ZFPM2: variants seen among roughly 807,000 people sequenced by gnomAD.
ZFPM2 encodes the protein zinc finger protein, FOG family member 2, also known as zinc finger protein ZFPM2.
In ZFPM2, 20 loss-of-function variants were observed where a neutral mutation model predicts 98.6. The ratio of observed to expected loss-of-function variants is 0.20; its 90% CI spans 0.14 to 0.29. ZFPM2 has a LOEUF of 0.29. Among genes scored for constraint, ZFPM2 ranks in the 10% least tolerant of loss-of-function variants. The pLI is 1.00. For missense variants in ZFPM2, 1,310 were observed against 1,388.6 expected (o/e 0.94, Z 0.90); for synonymous variants, 518 against 502.7 (o/e 1.03, Z -0.41).
intron 3 of ZFPM2, among the ~76,000 whole-genome samples, chr8:105,531,112 A>C (rs1247723713): frequency 6.6e-6 from 1 of 152,116 alleles, no homozygotes; most frequent in Non-Finnish European, 1.5e-5. Flanking sequence ...TTCCAATGAT[A>C]TGGGTTACCA....
intron 1 of ZFPM2, among the ~76,000 whole-genome samples, chr8:105,319,238 G>T (rs1320677013): frequency 6.6e-6 from 1 of 152,198 alleles, no homozygotes; most frequent in Non-Finnish European, 1.5e-5. Flanking sequence ...GCGCTCCCGG[G>T]CTGCTTTTTT....
At chr8:105,429,701 C>CAA (rs376633755) in intron 2 of ZFPM2, among the ~76,000 whole-genome samples, 36,952 of 128,088 alleles carry the variant, frequency 0.29, 5,255 homozygotes, top group African/African-American at 0.39. Context: ...AAAGTGATAC[C>CAA]AAAAAAAAAA....
At chr8:105,515,311 C>T (rs1035303133) in intron 3 of ZFPM2, among the ~76,000 whole-genome samples, 1 of 152,218 alleles carries the variant, frequency 6.6e-6, no homozygotes, top group Admixed American at 6.5e-5. Context: ...TCCATCCTCT[C>T]TTCAAGAGGA....
intron 1 of ZFPM2, among the ~76,000 whole-genome samples, chr8:105,360,751 A>C (rs1812842431): frequency 6.9e-6 from 1 of 144,730 alleles, no homozygotes; most frequent in African/African-American, 2.6e-5. Context: ...GCGATAGTTT[A>C]CTGAGAATGA....
At chr8:105,377,595 T>C (rs13253807) in intron 1 of ZFPM2, among the ~76,000 whole-genome samples, 125,316 of 125,334 alleles carry the variant, frequency 1, 62,649 homozygotes, top group Middle Eastern at 1. Flanking sequence ...AACCCCGTTT[T>C]TCTTAAAAAT....
chr8:105,430,920 T>C lies in ZFPM2; in HGVS notation c.199+11618T>C, dbSNP rs75282896. On this transcript the variant is annotated intron_variant, in intron 2 of 7. Transcript: ENST00000407775. ...CCACAACTTTTTTTTTTTTTTTTTT[T>C]CGAGATGGAGTCTCACAATGTCGCT... 7.4e-3 allele frequency among the ~76,000 whole-genome samples: 1,039 copies of C among 141,276 alleles called. 32 individuals carry two copies. The East Asian group carries it at 0.081, about 11-fold the overall frequency. The allele number at this position is 141,276 out of a possible 152,430, so 92.7% of individuals were successfully genotyped here. A position where few individuals can be genotyped will look rare whatever the true frequency, so the allele number is the denominator to read the frequency against.
Position 105,318,879 on chromosome 8 carries a change from G to GGGAGCCA in ZFPM2, c.-63_-62insGGAGCCA. ...GGCGGCGGCGGCGGCGGCGGGAGCC[G>GGGAGCCA]AGGGAGCGGCAGCCGCGACCGCGGG... On this transcript the variant is annotated 5_prime_UTR_variant, in exon 1 of 8. Coordinates refer to ENST00000407775, the MANE Select transcript of ZFPM2 (RefSeq NM_012082.4). 1 of 1,120,570 alleles carries GGGAGCCA rather than the reference G, an allele frequency of 8.9e-7. No individual in the cohort carries two copies. Among genetic ancestry groups the GGGAGCCA allele is most frequent in the Non-Finnish European group, 1.1e-6 (1 of 892,226 alleles). The allele number at this position is 1,120,570 out of a possible 1,614,324, so 69.4% of individuals were successfully genotyped here.
intron 4 of ZFPM2, among the ~76,000 whole-genome samples, chr8:105,611,634 T>A (rs188924197): frequency 2.2e-4 from 33 of 152,184 alleles, no homozygotes; most frequent in African/African-American, 7.9e-4. Context: ...ATTAAAAATT[T>A]ACCTGTGACC....
chr8:105,409,463 A>G (rs1811532749), intron 1 of ZFPM2, among the ~76,000 whole-genome samples: 1 of 151,840 alleles, frequency 6.6e-6, no homozygotes, highest in Admixed American at 6.6e-5. Flanking sequence ...CTCTGATGTT[A>G]TTTGAAAGAA....
chr8:105,538,368 T>C (rs1232080991), intron 3 of ZFPM2, among the ~76,000 whole-genome samples: 9 of 152,180 alleles, frequency 5.9e-5, no homozygotes, highest in Non-Finnish European at 1.2e-4. Context: ...TTCAATTCAA[T>C]GGAAGGAGAA....
intron 1 of ZFPM2, among the ~76,000 whole-genome samples, chr8:105,415,255 G>A (rs185854313): frequency 2.3e-4 from 35 of 152,160 alleles, no homozygotes; most frequent in African/African-American, 8.4e-4. Flanking sequence ...CTAACATATA[G>A]CACCAGTGTG....
chr8:105,769,641 G>C (rs1012533840), intron 5 of ZFPM2, among the ~76,000 whole-genome samples: 1 of 151,960 alleles, frequency 6.6e-6, no homozygotes, highest in South Asian at 2.1e-4. Context: ...CCTTGATCAT[G>C]AACTTGTGTT....
Position 105,377,842 on chromosome 8 carries a change from A to T in ZFPM2, c.41-41302A>T, listed in dbSNP as rs539385669. On this transcript the variant is annotated intron_variant, in intron 1 of 7. Transcript: ENST00000407775. ...AGATATTTGGATACCTTTTACAGAA[A>T]TTTTTTAGGTGCACTTCAGACTATA... 3.3e-5 allele frequency among the ~76,000 whole-genome samples: 5 copies of T among 152,140 alleles called. No homozygotes were observed. In the South Asian group the frequency reaches 8.3e-4, roughly 25 times the overall value.
Position 105,715,923 on chromosome 8 carries a change from T to C in ZFPM2, c.533-72795T>C, listed in dbSNP as rs147078730. 6.2e-3 allele frequency among the ~76,000 whole-genome samples: 947 copies of C among 152,120 alleles called. 8 individuals are homozygous for C. The highest frequency in any genetic ancestry group is 0.019 in the Admixed American group (295 of 15,232). The stretch of plus-strand genomic sequence containing the variant: ...TAGGTGATTCATACGGAGTGTCTAA[T>C]ATGAGAAACACTGGTTCTTCATCTT... On this transcript the variant is annotated intron_variant, in intron 5 of 7. Coordinates refer to ENST00000407775, the MANE Select transcript of ZFPM2 (RefSeq NM_012082.4).
chr8:105,801,238 G>T lies in ZFPM2; in HGVS notation c.1156G>T (p.Val386Phe), dbSNP rs1813995047. Residue 386 changes from valine (V) to phenylalanine (F), a missense_variant, in exon 8 of 8, where the codon GTC (valine) becomes TTC (phenylalanine). Coordinates refer to ENST00000407775, the MANE Select transcript of ZFPM2 (RefSeq NM_012082.4). ...RELLQHQELH[V>F]PSGKLPRESD... is the part of the protein sequence containing the mutation. The stretch of plus-strand genomic sequence containing the variant: ...GTTATTGCAGCACCAGGAGCTCCAT[G>T]TCCCTAGCGGCAAACTTCCCAGAGA... The T allele has an allele frequency of 6.2e-7, 1 of 1,613,786 alleles. No homozygotes were observed. Among genetic ancestry groups the T allele is most frequent in the African/African-American group, 1.3e-5 (1 of 74,902 alleles).
chr8:105,527,013 C>G (rs1814188089), intron 3 of ZFPM2, among the ~76,000 whole-genome samples: 1 of 151,978 alleles, frequency 6.6e-6, no homozygotes, highest in Admixed American at 6.6e-5. Flanking sequence ...CATGTATTTC[C>G]TAGGGTTGTT....
chr8:105,394,100 A>G (rs372258210), intron 1 of ZFPM2, among the ~76,000 whole-genome samples: 1 of 152,106 alleles, frequency 6.6e-6, no homozygotes, highest in Non-Finnish European at 1.5e-5. Flanking sequence ...TCACCGTGTT[A>G]GCCAGGATGG....
chr8:105,546,494 G>A (rs1439321101), intron 3 of ZFPM2, among the ~76,000 whole-genome samples: 1 of 151,292 alleles, frequency 6.6e-6, no homozygotes, highest in Admixed American at 6.6e-5. Context: ...ACTTGAACCT[G>A]GGAGCCAGAG....
At chr8:105,791,398 A>T (rs1271192982) in intron 6 of ZFPM2, among the ~76,000 whole-genome samples, 1 of 152,108 alleles carries the variant, frequency 6.6e-6, no homozygotes, top group Non-Finnish European at 1.5e-5. Context: ...ACATTTACTG[A>T]TTTGCGTATA....
Sources: gnomAD v4.1 joint callset for allele counts (sites outside exome capture counted in the v4.1 genomes callset) on GRCh38, gnomAD v4.1.1 for gene constraint, MANE v1.5 for transcripts, NCBI Gene and HGNC (gene_info 2026-07-23, HGNC 2026-07-21) for gene names.